The following STPG2 variants were observed in gnomAD, a reference collection of about 807,000 sequenced individuals.
The protein encoded by STPG2 is sperm-tail PG-rich repeat-containing protein 2.
In STPG2, 56 loss-of-function variants were observed where a neutral mutation model predicts 54.2. The observed-to-expected ratio is 1.03, with a 90% confidence interval of 0.83 to 1.29. The LOEUF (loss-of-function observed/expected upper bound fraction) is 1.29, where lower values mean the gene tolerates loss of function less well. Ranked by LOEUF, STPG2 falls within the 50% of genes most tolerant of loss-of-function variation. The pLI is 0.00. For synonymous variants in STPG2, 200 were observed against 181.8 expected, an observed-to-expected ratio of 1.10 and a Z score of -0.81; for missense variants, 596 against 544.9, an observed-to-expected ratio of 1.09 and a Z score of -0.93.
chr4:97,956,294 A>C (rs1733670710), intron 7 of STPG2, among the ~76,000 whole-genome samples: 1 of 152,110 alleles, frequency 6.6e-6, no homozygotes, highest in Admixed American at 6.6e-5. Context: ...AAAAACTAAA[A>C]ATGTAATATT....
intron 10 of STPG2, among the ~76,000 whole-genome samples, chr4:97,697,983 G>A (rs999126419): frequency 1.3e-5 from 2 of 152,150 alleles, no homozygotes; most frequent in Non-Finnish European, 2.9e-5. Context: ...AAATACGTGG[G>A]TAAAACTCTG....
At chr4:97,775,118 G>T (rs1379102234) in intron 9 of STPG2, among the ~76,000 whole-genome samples, 1 of 152,152 alleles carries the variant, frequency 6.6e-6, no homozygotes, top group East Asian at 1.9e-4. Context: ...GTGATAAAAA[G>T]GGCGCATAAA....
chr4:97,649,968 C>T (rs1300552385), intron 10 of STPG2, among the ~76,000 whole-genome samples: 1 of 151,986 alleles, frequency 6.6e-6, no homozygotes, highest in African/African-American at 2.4e-5. Context: ...GCTTGTTTTC[C>T]CACAACTAGA....
chr4:97,629,371 T>TA (rs1333632610), intron 10 of STPG2, among the ~76,000 whole-genome samples: 1 of 151,996 alleles, frequency 6.6e-6, no homozygotes, highest in African/African-American at 2.4e-5. Flanking sequence ...CTACTTAAGA[T>TA]AAAAAACTGG....
intron 1 of STPG2, among the ~76,000 whole-genome samples, chr4:98,135,651 T>C (rs1421178108): frequency 6.6e-6 from 1 of 150,866 alleles, no homozygotes; most frequent in African/African-American, 2.4e-5. Flanking sequence ...TTATCCCAAA[T>C]CAGAGAAGAA....
chr4:98,043,041 G>A (rs949431645), intron 5 of STPG2, among the ~76,000 whole-genome samples: 4 of 151,976 alleles, frequency 2.6e-5, no homozygotes, highest in African/African-American at 4.8e-5. Flanking sequence ...TATTACAATG[G>A]TTATATCTTC....
intron 4 of STPG2, among the ~76,000 whole-genome samples, chr4:97,483,311 A>G (rs1250517346): frequency 6.6e-6 from 1 of 151,622 alleles, no homozygotes; most frequent in Admixed American, 6.6e-5. Context: ...CTCACCAACC[A>G]ACTATCTGCT....
intron 8 of STPG2, among the ~76,000 whole-genome samples, chr4:97,864,121 T>G (rs192358662): frequency 3.9e-5 from 6 of 152,150 alleles, no homozygotes; most frequent in Admixed American, 3.9e-4. Context: ...GAGAAAGAAA[T>G]AAAGGGTATT....
intron 9 of STPG2, among the ~76,000 whole-genome samples, chr4:97,726,554 A>G (rs1724630474): frequency 6.6e-6 from 1 of 152,016 alleles, no homozygotes; most frequent in Non-Finnish European, 1.5e-5. Context: ...TAAGCAACTA[A>G]TGACATGCAG....
At chr4:97,444,966 G>A (rs569299267) in intron 4 of STPG2, among the ~76,000 whole-genome samples, 2 of 152,290 alleles carry the variant, frequency 1.3e-5, no homozygotes, top group East Asian at 1.9e-4. Context: ...GAACCCAGGA[G>A]GCAGAGCTTG....
chr4:97,838,849 G>A (rs1728709841), intron 9 of STPG2, among the ~76,000 whole-genome samples: 1 of 151,468 alleles, frequency 6.6e-6, no homozygotes, highest in African/African-American at 2.4e-5. Flanking sequence ...AGCTTCAGAG[G>A]TCCATATGGC....
At chr4:97,598,429 C>T (rs192574868) in intron 10 of STPG2, among the ~76,000 whole-genome samples, 20 of 151,666 alleles carry the variant, frequency 1.3e-4, no homozygotes, top group African/African-American at 4.8e-4. Flanking sequence ...ATAGCCAAAG[C>T]AATCCTAAGC....
chr4:97,892,592 G>C (rs1180134037), intron 8 of STPG2, among the ~76,000 whole-genome samples: 2 of 152,118 alleles, frequency 1.3e-5, no homozygotes, highest in African/African-American at 4.8e-5. Context: ...GCACAGCTAA[G>C]CTTAAGGTTT....
chr4:98,111,983 CCAT>C (rs1356046085), intron 3 of STPG2, among the ~76,000 whole-genome samples: 2 of 152,010 alleles, frequency 1.3e-5, no homozygotes, highest in East Asian at 3.9e-4. Flanking sequence ...AAGAGTTATA[CCAT>C]CAGCTCCCGT....
chr4:97,691,306 T>C (rs759966192), intron 10 of STPG2, among the ~76,000 whole-genome samples: 14 of 152,092 alleles, frequency 9.2e-5, no homozygotes, highest in Non-Finnish European at 2.1e-4. Context: ...ACCAGCTGCC[T>C]CGAAATAAAC....
Position 97,957,053 on chromosome 4 carries a change from C to A in STPG2, c.934-13046G>T, listed in dbSNP as rs1733697945. On this transcript the variant is annotated intron_variant, in intron 7 of 10. Coordinates refer to ENST00000295268, the MANE Select transcript of STPG2 (RefSeq NM_174952.3). ...AAAAAGGCGTCAGAGAAAGTCAGAG[C>A]CCAATTTAAGGAAATAAATATATAT... is the stretch of plus-strand genomic sequence containing the variant. Among the ~76,000 whole-genome samples the A allele has an allele frequency of 2.1e-5, 3 of 142,122 alleles. No homozygotes were observed. The South Asian group carries it at 7.0e-4, about 33-fold the overall frequency. The allele number at this position is 142,122 out of a possible 152,430, so 93.2% of individuals were successfully genotyped here.
At chr4:97,736,816 C>G (rs1578519410) in intron 9 of STPG2, among the ~76,000 whole-genome samples, 1 of 152,186 alleles carries the variant, frequency 6.6e-6, no homozygotes, top group Non-Finnish European at 1.5e-5. Flanking sequence ...GTAACCTCTG[C>G]AGACTTAAAT....
intron 5 of STPG2, among the ~76,000 whole-genome samples, chr4:98,095,246 G>T (rs549803742): frequency 6.6e-6 from 1 of 152,154 alleles, no homozygotes; most frequent in South Asian, 2.1e-4. Flanking sequence ...AGACAGGAAG[G>T]CATGAAAAAA....
intron 7 of STPG2, among the ~76,000 whole-genome samples, chr4:97,944,680 T>C (rs1472053228): frequency 6.6e-6 from 1 of 152,170 alleles, no homozygotes; most frequent in Non-Finnish European, 1.5e-5. Context: ...TTTACTGTTT[T>C]TGTTTCAGAA....
Sources: gnomAD v4.1 joint callset for allele counts (sites outside exome capture counted in the v4.1 genomes callset) on GRCh38, gnomAD v4.1.1 for gene constraint, MANE v1.5 for transcripts, NCBI Gene and HGNC (gene_info 2026-07-23, HGNC 2026-07-21) for gene names.